Variants in MTHFD2L observed in about 807,000 individuals in gnomAD.
MTHFD2L encodes bifunctional methylenetetrahydrofolate dehydrogenase/cyclohydrolase 2, mitochondrial.
In MTHFD2L, 29 loss-of-function variants were observed where a neutral mutation model predicts 34.9. The ratio of observed to expected loss-of-function variants is 0.83; its 90% CI spans 0.62 to 1.13. MTHFD2L has a LOEUF of 1.13. MTHFD2L is among the 50% of genes most tolerant of loss of function. MTHFD2L has a pLI of 0.00. For missense variants in MTHFD2L, 481 were observed against 446.5 expected (o/e 1.08, Z -0.70); for synonymous variants, 167 against 155.7 (o/e 1.07, Z -0.54).
chr4:74,297,025 T>G (rs1353967516), intron 7 of MTHFD2L, among the ~76,000 whole-genome samples: 1 of 152,080 alleles, frequency 6.6e-6, no homozygotes, highest in Non-Finnish European at 1.5e-5. Flanking sequence ...TTTTTAAATC[T>G]CTTTTATTTT....
chr4:74,235,085 A>C (rs1740652510), intron 6 of MTHFD2L, among the ~76,000 whole-genome samples: 1 of 152,190 alleles, frequency 6.6e-6, no homozygotes, highest in Non-Finnish European at 1.5e-5. Flanking sequence ...GAGTTGTGAA[A>C]GATGAAGCAT....
chr4:74,131,500 T>C (rs1722498592), intron 1 of MTHFD2L, among the ~76,000 whole-genome samples: 1 of 152,214 alleles, frequency 6.6e-6, no homozygotes, highest in Non-Finnish European at 1.5e-5. Flanking sequence ...CCTTATTTAA[T>C]AAGTGGTGTT....
At chr4:74,146,423 A>C (rs189075309) in intron 1 of MTHFD2L, among the ~76,000 whole-genome samples, 222 of 152,336 alleles carry the variant, frequency 1.5e-3, no homozygotes, top group Non-Finnish European at 2.9e-3. Flanking sequence ...TAATACTGTT[A>C]TGCACATTCA....
chr4:74,225,160 A>G, intron 5 of MTHFD2L, 142 bp from the exon 6 acceptor site: 1 of 646,720 alleles, frequency 1.5e-6, no homozygotes, highest in Non-Finnish European at 2.6e-6. Context: ...TTTCTTGTAT[A>G]GCTTTTGTGC....
chr4:74,124,003 A>T (rs547291803), upstream of MTHFD2L, among the ~76,000 whole-genome samples: 1 of 152,228 alleles, frequency 6.6e-6, no homozygotes, highest in South Asian at 2.1e-4. Context: ...TATAACACAT[A>T]TATCACTATA....
intron 6 of MTHFD2L, among the ~76,000 whole-genome samples, chr4:74,244,207 T>C (rs1239694675): frequency 6.6e-6 from 1 of 152,170 alleles, no homozygotes; most frequent in Non-Finnish European, 1.5e-5. Flanking sequence ...GTTACATTCA[T>C]CACCACAATC....
intron 7 of MTHFD2L, among the ~76,000 whole-genome samples, chr4:74,284,527 GT>G (rs888819353): frequency 1.2e-3 from 179 of 150,146 alleles, no homozygotes; most frequent in African/African-American, 4.2e-3. Flanking sequence ...TGATGGGGTT[GT>G]TTGTTTTTTT....
intron 1 of MTHFD2L, among the ~76,000 whole-genome samples, chr4:74,142,649 G>A (rs1723346110): frequency 6.6e-6 from 1 of 152,192 alleles, no homozygotes; most frequent in Non-Finnish European, 1.5e-5. Context: ...TAATTGACAT[G>A]TATTATGGGA....
At chr4:74,240,336 A>G (rs1741516224) in intron 6 of MTHFD2L, among the ~76,000 whole-genome samples, 1 of 152,204 alleles carries the variant, frequency 6.6e-6, no homozygotes, top group Non-Finnish European at 1.5e-5. Context: ...TTCCCAAAAT[A>G]CTACCTTTAG....
intron 7 of MTHFD2L, among the ~76,000 whole-genome samples, chr4:74,294,417 A>G (rs1253380962): frequency 6.6e-6 from 1 of 152,080 alleles, no homozygotes; most frequent in African/African-American, 2.4e-5. Context: ...TGGGAACATA[A>G]AGTTTCCAAA....
chr4:74,122,570 G>A (rs567865263), upstream of MTHFD2L, among the ~76,000 whole-genome samples: 154 of 152,208 alleles, frequency 1.0e-3, no homozygotes, highest in African/African-American at 3.4e-3. Flanking sequence ...ATAATAAAAC[G>A]TACTGAGAGG....
intron 6 of MTHFD2L, among the ~76,000 whole-genome samples, chr4:74,255,389 G>A (rs1347980685): frequency 6.6e-6 from 1 of 151,946 alleles, no homozygotes; most frequent in Non-Finnish European, 1.5e-5. Flanking sequence ...AGGAATCAAA[G>A]CATAATACTA....
At chr4:74,132,076 A>G (rs907263497) in intron 1 of MTHFD2L, among the ~76,000 whole-genome samples, 2 of 152,238 alleles carry the variant, frequency 1.3e-5, no homozygotes, top group Non-Finnish European at 2.9e-5. Flanking sequence ...CAATCATTAA[A>G]AAGTCAGGAA....
intron 1 of MTHFD2L, among the ~76,000 whole-genome samples, chr4:74,148,385 TTATTTATCTATCTATC>T (rs1353647959): frequency 1.3e-5 from 1 of 75,072 alleles, no homozygotes; most frequent in African/African-American, 4.7e-5. Context: ...ATTTATTTAT[TTATTTATCTATCTATC>T]TATTTAGACA....
At chr4:74,215,560 G>T (rs888019973) in intron 5 of MTHFD2L, among the ~76,000 whole-genome samples, 9 of 151,494 alleles carry the variant, frequency 5.9e-5, no homozygotes, top group Non-Finnish European at 1.3e-4. Context: ...GATGAGCCAA[G>T]TACCTTAGTT....
chr4:74,254,043 A>G (rs1665448533), intron 6 of MTHFD2L, among the ~76,000 whole-genome samples: 1 of 152,200 alleles, frequency 6.6e-6, no homozygotes, highest in Non-Finnish European at 1.5e-5. Flanking sequence ...AGATCCAGGC[A>G]CCAGGACTGC....
chr4:74,201,699 G>A (rs1319862856), intron 5 of MTHFD2L, among the ~76,000 whole-genome samples: 2 of 151,708 alleles, frequency 1.3e-5, no homozygotes, highest in East Asian at 3.9e-4. Flanking sequence ...TCTCTTGGAT[G>A]TAGAATTCCT....
intron 3 of MTHFD2L, among the ~76,000 whole-genome samples, chr4:74,176,584 C>A (rs570557698): frequency 6.6e-6 from 1 of 151,994 alleles, no homozygotes; most frequent in South Asian, 2.1e-4. Flanking sequence ...GTGCAGTGAC[C>A]AATCATTTGA....
chr4:74,189,619 T>C (rs1379830107), intron 3 of MTHFD2L, among the ~76,000 whole-genome samples: 1 of 151,544 alleles, frequency 6.6e-6, no homozygotes, highest in Non-Finnish European at 1.5e-5. Flanking sequence ...CTCTCATTCA[T>C]ATTCATGTGG....
Sources: gnomAD v4.1 joint callset for allele counts (sites outside exome capture counted in the v4.1 genomes callset) on GRCh38, gnomAD v4.1.1 for gene constraint, MANE v1.5 for transcripts, NCBI Gene and HGNC (gene_info 2026-07-23, HGNC 2026-07-21) for gene names.